The following NINJ2 variants were observed in gnomAD, a reference collection of about 807,000 sequenced individuals.
NINJ2 encodes ninjurin 2.
NINJ2 carries 12 observed loss-of-function variants against 11.7 expected under a neutral mutation model. The ratio of observed to expected loss-of-function variants is 1.02; its 90% CI spans 0.66 to 1.66. NINJ2 has a LOEUF of 1.66. NINJ2 is among the 40% of genes most tolerant of loss of function. The probability of loss-of-function intolerance (pLI) is 0.00; values close to 1 mark genes in which losing one functional copy is unlikely to be tolerated. For synonymous variants in NINJ2, 93 were observed against 76.8 expected (o/e 1.21, Z -1.10); for missense variants, 187 against 181.8 (o/e 1.03, Z -0.16).
intron 1 of NINJ2, among the ~76,000 whole-genome samples, chr12:601,871 CTG>C (rs1362504205): frequency 6.6e-6 from 1 of 152,066 alleles, no homozygotes; most frequent in East Asian, 1.9e-4. Context: ...GAGTGCGACT[CTG>C]TGTCAAAAAA....
intron 1 of NINJ2, among the ~76,000 whole-genome samples, chr12:629,896 A>AAAAAAAAAAAAAAAAAAATATATAT: frequency 3.0e-4 from 3 of 9,902 alleles, no homozygotes; most frequent in African/African-American, 2.9e-4. Flanking sequence ...AAAAAAAAAA[A>AAAAAAAAAAAAAAAAAAATATATAT]ATATATATAT....
intron 1 of NINJ2, among the ~76,000 whole-genome samples, chr12:570,220 A>AAGGGCC (rs1947358551): frequency 6.6e-6 from 1 of 152,216 alleles, no homozygotes; most frequent in African/African-American, 2.4e-5. Flanking sequence ...CGGCGGGCAG[A>AAGGGCC]AGGGCCGGCA....
At chr12:594,191 A>C (rs1434325128) in intron 1 of NINJ2, among the ~76,000 whole-genome samples, 1 of 151,628 alleles carries the variant, frequency 6.6e-6, no homozygotes, top group African/African-American at 2.4e-5. Context: ...AATTGAAAAT[A>C]ATAAAGAAAA....
rs531623033 is a variant in NINJ2 at position 633,255 on chromosome 12, T to C, written c.33+30073A>G. On this transcript the variant is annotated intron_variant, in intron 1 of 3. Coordinates refer to ENST00000305108, the MANE Select transcript of NINJ2 (RefSeq NM_016533.6). The surrounding 1 kb of genome is among the most constrained non-coding windows in gnomAD (Gnocchi z 4.3). ...GCTCACACCTGTAATCCTAGCTCTT[T>C]GGGAGGCCGAGGTGGATGGATCACC... is the stretch of plus-strand genomic sequence containing the variant. Among the ~76,000 whole-genome samples the C allele has an allele frequency of 8.4e-4, 128 of 151,882 alleles. 2 individuals carry two copies. Among genetic ancestry groups the C allele is most frequent in the African/African-American group, 3.0e-3 (126 of 41,416 alleles).
intron 1 of NINJ2, among the ~76,000 whole-genome samples, chr12:618,168 C>T (rs1012753997): frequency 4.8e-5 from 7 of 144,498 alleles, no homozygotes; most frequent in Admixed American, 2.1e-4. Context: ...TGCCAAAGTG[C>T]GGCTGCAGTA....
In NINJ2 at chr12:612,003, A is replaced by G. The variant is rs559950373; in HGVS notation, c.34-45825T>C. 2.0e-5 allele frequency among the ~76,000 whole-genome samples: 3 copies of G among 152,364 alleles called. No individual in the cohort carries two copies. The South Asian group carries it at 6.2e-4, about 32-fold the overall frequency. On this transcript the variant is annotated intron_variant, in intron 1 of 3. Coordinates refer to ENST00000305108, the MANE Select transcript of NINJ2 (RefSeq NM_016533.6). ...AGGTCTGGCTAATGAGAACTTAGCA[A>G]GAAGAATTGTGGCCCTAAAAGGAAG... is the stretch of plus-strand genomic sequence containing the variant.
chr12:653,753 A>G (rs1271007254), intron 1 of NINJ2, among the ~76,000 whole-genome samples: 2 of 152,240 alleles, frequency 1.3e-5, no homozygotes, highest in Non-Finnish European at 2.9e-5. Context: ...ATAGAAAAAC[A>G]GTAACAAATG....
Position 634,265 on chromosome 12 carries a change from C to CTTTTTTTTTTTTTTTTTTTTTTTTTTTTT in NINJ2, c.33+29062_33+29063insAAAAAAAAAAAAAAAAAAAAAAAAAAAAA, listed in dbSNP as rs67797144. The stretch of plus-strand genomic sequence containing the variant: ...AAATAAATGTTGATTAGTTGCAGTT[C>CTTTTTTTTTTTTTTTTTTTTTTTTTTTTT]TTTTTTTTTTTTTTTTTTTTTTTTT... On this transcript the variant is annotated intron_variant, in intron 1 of 3. Transcript: ENST00000305108. Among the ~76,000 whole-genome samples the CTTTTTTTTTTTTTTTTTTTTTTTTTTTTT allele has an allele frequency of 2.7e-4, 16 of 59,524 alleles. 1 individual carries two copies. The highest frequency in any genetic ancestry group is 2.6e-3 in the East Asian group (3 of 1,174). 39.1% of individuals were successfully genotyped at this position (59,524 alleles called of 152,430 possible).
chr12:608,571 A>C (rs1393369650), intron 1 of NINJ2, among the ~76,000 whole-genome samples: 2 of 152,236 alleles, frequency 1.3e-5, no homozygotes, highest in Non-Finnish European at 2.9e-5. Context: ...AACCCAGGCA[A>C]TCTGGCTCCA....
chr12:610,960 C>A (rs1258918539), intron 1 of NINJ2, among the ~76,000 whole-genome samples: 1 of 152,014 alleles, frequency 6.6e-6, no homozygotes, highest in Non-Finnish European at 1.5e-5. Context: ...GTCTCAAACT[C>A]CTGACCTCAG....
intron 2 of NINJ2, 137 bp from the exon 3 acceptor site, chr12:565,538 A>G (rs1947284120): frequency 2.2e-6 from 2 of 921,784 alleles, no homozygotes; most frequent in Non-Finnish European, 3.3e-6. Flanking sequence ...GGTGGTCGTC[A>G]TCGGGCTGAG....
chr12:641,287 C>G (rs1948413571), intron 1 of NINJ2, among the ~76,000 whole-genome samples: 1 of 152,148 alleles, frequency 6.6e-6, no homozygotes, highest in Non-Finnish European at 1.5e-5. Flanking sequence ...AGTTGCCCCT[C>G]CTGTCTCCCT....
chr12:566,256 G>C, intron 1 of NINJ2, 78 bp from the exon 2 acceptor site: 3 of 1,196,534 alleles, frequency 2.5e-6, no homozygotes, highest in Non-Finnish European at 3.6e-6. Flanking sequence ...GAGGAGAGAG[G>C]TTTTAAAGCT....
At chr12:571,628 G>C (rs1473127211) in intron 1 of NINJ2, among the ~76,000 whole-genome samples, 1 of 152,256 alleles carries the variant, frequency 6.6e-6, no homozygotes, top group Non-Finnish European at 1.5e-5. Flanking sequence ...TGAAGTCAAG[G>C]ATTGCTTCAT....
intron 1 of NINJ2, among the ~76,000 whole-genome samples, chr12:578,567 C>G (rs1441170806): frequency 6.6e-6 from 1 of 152,166 alleles, no homozygotes; most frequent in Non-Finnish European, 1.5e-5. Context: ...ATCCTCTCAT[C>G]TTGCACCCTC....
At chr12:564,759 G>A (rs73594222) in intron 3 of NINJ2, 78 bp from the exon 4 acceptor site, 10,114 of 152,788 alleles carry the variant, frequency 0.066, 747 homozygotes, top group African/African-American at 0.15. Flanking sequence ...TGCCCAGGAT[G>A]CACCTGGCCA....
rs114059155 is a variant in NINJ2 at position 624,516 on chromosome 12, A to C, written c.33+38812T>G. 4.9e-3 allele frequency among the ~76,000 whole-genome samples: 745 copies of C among 152,280 alleles called. 10 individuals are homozygous for C. Among genetic ancestry groups the C allele is most frequent in the African/African-American group, 0.017 (709 of 41,544 alleles). ...AAATAAGCCACAACACATGGTATAAAAAATATATATGGCCGGGCACAGTGG... is the reference window on the plus strand; with the variant it reads ...AAATAAGCCACAACACATGGTATAACAAATATATATGGCCGGGCACAGTGG... On this transcript the variant is annotated intron_variant, in intron 1 of 3. Transcript: ENST00000305108.
At chr12:596,721 G>C (rs4485166) in intron 1 of NINJ2, among the ~76,000 whole-genome samples, 49 of 152,012 alleles carry the variant, frequency 3.2e-4, no homozygotes, top group South Asian at 8.3e-4. Flanking sequence ...CCAGGAGTTG[G>C]AGACCAGCCT....
intron 1 of NINJ2, among the ~76,000 whole-genome samples, chr12:650,288 T>C (rs892552689): frequency 4.6e-5 from 7 of 152,024 alleles, no homozygotes; most frequent in Non-Finnish European, 8.8e-5. Context: ...TTTCACTATG[T>C]TTCCCAGGCT....
Sources: gnomAD v4.1 joint callset for allele counts (sites outside exome capture counted in the v4.1 genomes callset) on GRCh38, gnomAD v4.1.1 for gene constraint, Gnocchi (gnomAD v3.1) non-coding constraint, MANE v1.5 for transcripts, NCBI Gene and HGNC (gene_info 2026-07-23, HGNC 2026-07-21) for gene names.